FHIT: variants seen among roughly 807,000 people sequenced by gnomAD.
FHIT encodes the protein bis(5'-adenosyl)-triphosphatase.
Under a neutral mutation model 17.9 loss-of-function variants are expected in FHIT, and 19 were observed. The observed-to-expected ratio is 1.06, with a 90% CI of 0.74 to 1.56. The LOEUF (loss-of-function observed/expected upper bound fraction) is 1.56. Ranked by LOEUF, FHIT falls within the 40% of genes most tolerant of loss-of-function variation. The pLI, the probability that FHIT is intolerant of heterozygous loss-of-function variation, is 0.00. For synonymous variants in FHIT, 81 were observed against 69.7 expected (o/e 1.16, Z -0.81); for missense variants, 248 against 189.2 (o/e 1.31, Z -1.82).
At chr3:60,569,749 A>ATC (rs1553654729) in intron 4 of FHIT, among the ~76,000 whole-genome samples, 1 of 62,788 alleles carries the variant, frequency 1.6e-5, no homozygotes, top group African/African-American at 6.2e-5. Flanking sequence ...ATATATATAT[A>ATC]TATATATTTT....
chr3:61,014,677 G>T (rs535721541), intron 3 of FHIT, among the ~76,000 whole-genome samples: 25 of 149,844 alleles, frequency 1.7e-4, no homozygotes, highest in African/African-American at 5.9e-4. Context: ...CTACTTGGGA[G>T]GCTGAGGCAT....
chr3:60,578,419 A>AGAGCATG (rs1162278400), intron 4 of FHIT, among the ~76,000 whole-genome samples: 1 of 147,014 alleles, frequency 6.8e-6, no homozygotes, highest in Non-Finnish European at 1.5e-5. Flanking sequence ...CCTGGGCGAA[A>AGAGCATG]GAGCATGACT....
intron 5 of FHIT, among the ~76,000 whole-genome samples, chr3:60,266,970 C>T (rs1369952013): frequency 1.3e-5 from 2 of 152,002 alleles, no homozygotes; most frequent in African/African-American, 4.8e-5. Flanking sequence ...GTAGTTTACT[C>T]CACACTTCAG....
chr3:60,142,624 C>T (rs780962131), intron 5 of FHIT, among the ~76,000 whole-genome samples: 15 of 151,972 alleles, frequency 9.9e-5, no homozygotes, highest in Non-Finnish European at 1.2e-4. Context: ...GCCTCAGCCA[C>T]CCAAGTAGCT....
chr3:61,140,545 C>T (rs1471136015), intron 2 of FHIT, among the ~76,000 whole-genome samples: 2 of 152,136 alleles, frequency 1.3e-5, no homozygotes, highest in Non-Finnish European at 2.9e-5. Flanking sequence ...TCCTATTAAC[C>T]TAGCACAGAC....
chr3:60,230,382 G>C (rs1016878688), intron 5 of FHIT, among the ~76,000 whole-genome samples: 8 of 152,060 alleles, frequency 5.3e-5, no homozygotes, highest in African/African-American at 1.9e-4. Flanking sequence ...TACTATAAAT[G>C]CTCACCTAAG....
At chr3:60,660,413 T>C (rs1234881497) in intron 4 of FHIT, among the ~76,000 whole-genome samples, 1 of 152,080 alleles carries the variant, frequency 6.6e-6, no homozygotes, top group Non-Finnish European at 1.5e-5. Context: ...GGGGTATGAG[T>C]AGCTGATATT....
At chr3:59,980,352 A>G (rs1708598705) in intron 7 of FHIT, among the ~76,000 whole-genome samples, 1 of 152,178 alleles carries the variant, frequency 6.6e-6, no homozygotes, top group Non-Finnish European at 1.5e-5. Flanking sequence ...GTGTGCATCT[A>G]TATTCTTCAT....
intron 5 of FHIT, among the ~76,000 whole-genome samples, chr3:60,108,852 G>A (rs919192271): frequency 1.1e-4 from 16 of 152,098 alleles, no homozygotes; most frequent in African/African-American, 3.9e-4. Context: ...TAGTAGAGAC[G>A]GGGTTTCTCC....
intron 3 of FHIT, among the ~76,000 whole-genome samples, chr3:60,894,559 A>C (rs1705689540): frequency 6.6e-6 from 1 of 152,164 alleles, no homozygotes; most frequent in Non-Finnish European, 1.5e-5. Context: ...GAATGAAATG[A>C]GCTATCTTGA....
chr3:59,885,879 G>T (rs73839566), intron 8 of FHIT, among the ~76,000 whole-genome samples: 1 of 152,134 alleles, frequency 6.6e-6, no homozygotes, highest in Admixed American at 6.6e-5. Flanking sequence ...AAACTAGCAG[G>T]CAGGCAGGCC....
At chr3:60,601,193 A>T (rs2038434601) in intron 4 of FHIT, among the ~76,000 whole-genome samples, 1 of 152,240 alleles carries the variant, frequency 6.6e-6, no homozygotes, top group African/African-American at 2.4e-5. Context: ...AGCAGGGATC[A>T]GGTCGCCCAG....
intron 4 of FHIT, among the ~76,000 whole-genome samples, chr3:60,739,351 A>T (rs1361102627): frequency 6.6e-6 from 1 of 152,164 alleles, no homozygotes; most frequent in Non-Finnish European, 1.5e-5. Flanking sequence ...GCATTGTAAC[A>T]CTGGGGCCAC....
At chr3:59,870,874 C>T (rs3074208) in intron 8 of FHIT, among the ~76,000 whole-genome samples, 2,490 of 149,742 alleles carry the variant, frequency 0.017, 84 homozygotes, top group African/African-American at 0.057. Context: ...TGTGTGTGTG[C>T]GTGTGTGTGT....
At chr3:60,097,024 T>TAAA (rs71287192) in intron 5 of FHIT, among the ~76,000 whole-genome samples, 3,008 of 127,182 alleles carry the variant, frequency 0.024, 72 homozygotes, top group Admixed American at 0.03. Flanking sequence ...CTGTTATTAT[T>TAAA]AAAAAAAAAA....
chr3:60,767,461 T>C (rs1389898381), intron 4 of FHIT, among the ~76,000 whole-genome samples: 1 of 152,212 alleles, frequency 6.6e-6, no homozygotes, highest in South Asian at 2.1e-4. Context: ...TTCAGAGAAT[T>C]TGTTAATTTG....
At chr3:60,766,642 G>A (rs1553721514) in intron 4 of FHIT, among the ~76,000 whole-genome samples, 1 of 117,294 alleles carries the variant, frequency 8.5e-6, no homozygotes, top group African/African-American at 4.4e-5. Flanking sequence ...CTTTAACATG[G>A]GAGCCTTTTC....
chr3:60,945,585 G>T (rs1408041822), intron 3 of FHIT, among the ~76,000 whole-genome samples: 2 of 152,054 alleles, frequency 1.3e-5, no homozygotes, highest in Non-Finnish European at 2.9e-5. Context: ...GTAGAGGCAG[G>T]GTTTTGCCAT....
At chr3:60,268,832 A>T in intron 5 of FHIT, among the ~76,000 whole-genome samples, 1 of 152,106 alleles carries the variant, frequency 6.6e-6, no homozygotes, top group East Asian at 1.9e-4. Flanking sequence ...TAAGGCAGGG[A>T]GATGATCCTG....
Sources: allele counts gnomAD v4.1 joint callset (sites outside exome capture counted in the v4.1 genomes callset), GRCh38; gene constraint gnomAD v4.1.1; transcripts MANE v1.5; gene names NCBI Gene and HGNC (gene_info 2026-07-23, HGNC 2026-07-21).